Variants in EPB41L3 observed in about 807,000 individuals in gnomAD.
EPB41L3 encodes erythrocyte membrane protein band 4.1 like 3.
EPB41L3 carries 57 observed loss-of-function variants against 127.1 expected under a neutral mutation model. The ratio of observed to expected loss-of-function variants is 0.45; its 90% confidence interval spans 0.36 to 0.56. The LOEUF is 0.56. EPB41L3 is among the 20% of genes least tolerant of loss of function. The pLI is 0.00. For missense variants in EPB41L3, 1,273 were observed against 1,372.2 expected (o/e 0.93, Z 1.14); for synonymous variants, 572 against 549.5 (o/e 1.04, Z -0.57).
chr18:5,613,441 T>G (rs1051681214), intron 2 of EPB41L3, among the ~76,000 whole-genome samples: 4 of 152,144 alleles, frequency 2.6e-5, no homozygotes, highest in Non-Finnish European at 5.9e-5. Flanking sequence ...TATGCTATAG[T>G]CTCAACCTAA....
intron 16 of EPB41L3, among the ~76,000 whole-genome samples, chr18:5,401,637 A>T (rs1173046375): frequency 6.6e-6 from 1 of 152,174 alleles, no homozygotes; most frequent in Non-Finnish European, 1.5e-5. Flanking sequence ...AACTTTTATA[A>T]CATGGTTAAT....
intron 1 of EPB41L3, among the ~76,000 whole-genome samples, chr18:5,519,994 TG>T (rs1397818650): frequency 3.9e-5 from 6 of 152,248 alleles, no homozygotes; most frequent in Non-Finnish European, 7.3e-5. Context: ...GGAACTGTTT[TG>T]CTTTTTGACG....
intron 15 of EPB41L3, 98 bp from the exon 16 acceptor site, chr18:5,407,066 T>A: frequency 8.4e-7 from 1 of 1,186,690 alleles, no homozygotes; most frequent in Non-Finnish European, 1.2e-6. Context: ...ATCTTATTAG[T>A]AGTCAAAATA....
intron 3 of EPB41L3, among the ~76,000 whole-genome samples, chr18:5,459,902 A>G (rs1235348118): frequency 6.6e-6 from 1 of 152,154 alleles, no homozygotes; most frequent in Non-Finnish European, 1.5e-5. Flanking sequence ...TTTCTCTTTT[A>G]TTTTTAAACT....
At chr18:5,510,204 A>G (rs775612643) in intron 1 of EPB41L3, among the ~76,000 whole-genome samples, 1 of 152,240 alleles carries the variant, frequency 6.6e-6, no homozygotes, top group Non-Finnish European at 1.5e-5. Context: ...GGCCCATGAC[A>G]TGTAGTCCAG....
Position 5,496,971 on chromosome 18 carries a change from T to G in EPB41L3, c.-11-7777A>C, listed in dbSNP as rs188410035. On this transcript the variant is annotated intron_variant, in intron 1 of 22. Transcript: ENST00000341928. ...TGTTAAATAACCCACTTAAAGGAAA[T>G]AGCTGGCTGCTCTAGACTGGATGGT... 1.2e-3 allele frequency among the ~76,000 whole-genome samples: 188 copies of G among 152,278 alleles called. 1 individual carries two copies. The Middle Eastern group carries it at 0.014, about 11-fold the overall frequency.
rs561694477 is a variant in EPB41L3 at position 5,407,146 on chromosome 18, A to G, written c.2158-178T>C. 129 of 609,740 alleles carry G rather than the reference A, an allele frequency of 2.1e-4. 2 individuals carry two copies. In the South Asian group the frequency reaches 2.8e-3, roughly 13 times the overall value. 37.8% of individuals were successfully genotyped at this position (609,740 alleles called of 1,614,324 possible). A position where few individuals can be genotyped will look rare whatever the true frequency, so the allele number is the denominator to read the frequency against. On this transcript the variant is annotated intron_variant, in intron 15 of 22. Coordinates refer to ENST00000341928, the MANE Select transcript of EPB41L3 (RefSeq NM_012307.5). ...TGGTGAAAATGTGATTTTCCCATGG[A>G]AAGGAAACAGAAAAAAAAATCTAGT... is the stretch of plus-strand genomic sequence containing the variant.
At chr18:5,401,673 A>G (rs1396298714) in intron 16 of EPB41L3, among the ~76,000 whole-genome samples, 2 of 152,188 alleles carry the variant, frequency 1.3e-5, no homozygotes, top group Non-Finnish European at 2.9e-5. Flanking sequence ...ATTTCAAAAT[A>G]TCTTGCTGGA....
At chr18:5,483,716 G>C (rs1392277230) in intron 2 of EPB41L3, among the ~76,000 whole-genome samples, 1 of 151,908 alleles carries the variant, frequency 6.6e-6, no homozygotes, top group East Asian at 1.9e-4. Flanking sequence ...AGACTAAAAT[G>C]AGAAAAAGCA....
intron 3 of EPB41L3, among the ~76,000 whole-genome samples, chr18:5,610,963 C>T (rs1358385042): frequency 6.6e-6 from 1 of 152,144 alleles, no homozygotes; most frequent in African/African-American, 2.4e-5. Context: ...ATGGAACTCC[C>T]AAACTGAGCT....
At position 5,396,931 on chromosome 18, in the gene EPB41L3, G is replaced by A. The variant is rs1441715609; in HGVS notation, c.2841+127C>T. On this transcript the variant is annotated intron_variant, in intron 18 of 22. Coordinates refer to ENST00000341928, the MANE Select transcript of EPB41L3 (RefSeq NM_012307.5). The stretch of plus-strand genomic sequence containing the variant: ...TAGGTATGAAAGAAGGAAATGAGAG[G>A]AGAAATACACTATACATGGGAGAGG... The A allele has an allele frequency of 9.0e-6, 9 of 1,002,588 alleles. No individual in the cohort carries two copies. In the East Asian group the frequency reaches 2.2e-4, roughly 25 times the overall value. The allele number at this position is 1,002,588 out of a possible 1,614,324, so 62.1% of individuals were successfully genotyped here.
intron 16 of EPB41L3, chr18:5,398,581 G>A (rs2073979210): frequency 2.5e-6 from 1 of 402,328 alleles, no homozygotes; most frequent in African/African-American, 2.1e-5. Flanking sequence ...GTTTGGGGTG[G>A]AAGGGGACTG....
At chr18:5,492,837 C>T (rs889362015) in intron 1 of EPB41L3, among the ~76,000 whole-genome samples, 8 of 152,022 alleles carry the variant, frequency 5.3e-5, no homozygotes, top group African/African-American at 1.9e-4. Context: ...CAAGAGGAGT[C>T]CTTAATTTTT....
At chr18:5,596,536 C>G (rs1486502277) in intron 3 of EPB41L3, among the ~76,000 whole-genome samples, 8 of 152,150 alleles carry the variant, frequency 5.3e-5, no homozygotes, top group African/African-American at 1.9e-4. Context: ...AGATAAACAC[C>G]AAGACACAAA....
chr18:5,496,956 C>T (rs1292005967), intron 1 of EPB41L3, among the ~76,000 whole-genome samples: 3 of 152,106 alleles, frequency 2.0e-5, no homozygotes, highest in African/African-American at 7.2e-5. Flanking sequence ...TGTTAAATAA[C>T]CCACTTAAAG....
chr18:5,552,103 C>G (rs1035929448), intron 3 of EPB41L3, among the ~76,000 whole-genome samples: 2 of 152,212 alleles, frequency 1.3e-5, no homozygotes, highest in African/African-American at 4.8e-5. Flanking sequence ...TACCTGAAGT[C>G]CTTGTAGAAG....
rs181854854 is a variant in EPB41L3, at chr18:5,470,700, G to A, written c.381+7541C>T. On this transcript the variant is annotated intron_variant, in intron 3 of 22. Coordinates refer to ENST00000341928, the MANE Select transcript of EPB41L3 (RefSeq NM_012307.5). ...TTGTCTCCTACCTCGTTGAACTGCT[G>A]AGGAAGTAGGCTCAGACAAGCTAAA... 2.1e-3 allele frequency among the ~76,000 whole-genome samples: 314 copies of A among 152,326 alleles called. 3 individuals carry two copies. Among genetic ancestry groups the A allele is most frequent in the African/African-American group, 7.3e-3 (303 of 41,574 alleles).
At chr18:5,598,680 A>T (rs772365624) in intron 3 of EPB41L3, among the ~76,000 whole-genome samples, 1 of 152,210 alleles carries the variant, frequency 6.6e-6, no homozygotes, top group Non-Finnish European at 1.5e-5. Flanking sequence ...TATCACCTGC[A>T]TTCCAGAAGG....
chr18:5,542,896 AT>A (rs2093774967), intron 1 of EPB41L3, among the ~76,000 whole-genome samples: 1 of 152,146 alleles, frequency 6.6e-6, no homozygotes, highest in Admixed American at 6.5e-5. Context: ...TAGAGGGGAA[AT>A]CCGAAAAAGC....
Sources: gnomAD v4.1 joint callset for allele counts (sites outside exome capture counted in the v4.1 genomes callset) on GRCh38, gnomAD v4.1.1 for gene constraint, MANE v1.5 for transcripts, NCBI Gene and HGNC (gene_info 2026-07-23, HGNC 2026-07-21) for gene names.